ARID1B: variants seen among roughly 807,000 people sequenced by gnomAD.
ARID1B encodes AT-rich interactive domain-containing protein 1B.
In ARID1B, 30 loss-of-function variants were observed where a neutral mutation model predicts 212.3. That is an observed-to-expected ratio of 0.14 (90% CI 0.11 to 0.19). The LOEUF is 0.19. ARID1B is among the 10% of genes least tolerant of loss of function. ARID1B has a pLI of 1.00. For synonymous variants in ARID1B, 1,402 were observed against 1,301.7 expected (o/e 1.08, Z -1.66); for missense variants, 2,891 against 3,204.0 (o/e 0.90, Z 2.36).
Position 157,190,235 on chromosome 6 carries a change from G to C in ARID1B, c.4231+25G>C. 6.3e-7 allele frequency: 1 copy of C among 1,590,466 alleles called. No individual in the cohort carries two copies. Among genetic ancestry groups the C allele is most frequent in the Non-Finnish European group, 8.5e-7 (1 of 1,172,050 alleles). ...GGTACGTGTAGAGGGGCCTCCACCCGGCCATGGACCAGTGGGCATTCTACT... is the reference window on the plus strand; with the variant it reads ...GGTACGTGTAGAGGGGCCTCCACCCCGCCATGGACCAGTGGGCATTCTACT... On this transcript the variant is annotated intron_variant, in intron 15 of 19. Transcript: ENST00000636930. This position sits in a 1 kb window ranked among gnomAD's most constrained non-coding sequence, Gnocchi z 4.6.
intron 4 of ARID1B, among the ~76,000 whole-genome samples, chr6:156,986,447 G>A (rs752666682): frequency 1.4e-4 from 22 of 152,106 alleles, no homozygotes; most frequent in Non-Finnish European, 1.8e-4. Flanking sequence ...CCCCCTGCAC[G>A]GTAAAATCAT....
rs114608027 is a variant in ARID1B, at chr6:156,830,094, G to A, written c.1986+673G>A. Among the ~76,000 whole-genome samples, 735 of 152,210 alleles carry A rather than the reference G, an allele frequency of 4.8e-3. 7 individuals are homozygous for A. The highest frequency in any genetic ancestry group is 0.015 in the African/African-American group (611 of 41,518). Reference sequence around the variant, plus strand: ...ACCTTAGATGACCATTTACCCTCTAGCAGTGGTAAACCTAGTCTTTTGGAT... The same window carrying A: ...ACCTTAGATGACCATTTACCCTCTAACAGTGGTAAACCTAGTCTTTTGGAT... On this transcript the variant is annotated intron_variant, in intron 2 of 19. Coordinates refer to ENST00000636930, the MANE Select transcript of ARID1B (RefSeq NM_001374828.1).
At chr6:156,791,741 C>G (rs1322990549) in intron 1 of ARID1B, among the ~76,000 whole-genome samples, 1 of 152,088 alleles carries the variant, frequency 6.6e-6, no homozygotes, top group Non-Finnish European at 1.5e-5. Context: ...GGTGAAAATA[C>G]CCACCGTCTG....
intron 4 of ARID1B, among the ~76,000 whole-genome samples, chr6:156,972,745 A>G (rs1777011270): frequency 6.6e-6 from 1 of 152,224 alleles, no homozygotes; most frequent in African/African-American, 2.4e-5. Flanking sequence ...GGACTTAGAA[A>G]TCAGACTGAT....
intron 4 of ARID1B, among the ~76,000 whole-genome samples, chr6:157,012,058 G>A (rs968742960): frequency 1.3e-5 from 2 of 152,226 alleles, no homozygotes; most frequent in African/African-American, 4.8e-5. Flanking sequence ...TAGCAAGACT[G>A]TTTCAAGTAC....
intron 2 of ARID1B, among the ~76,000 whole-genome samples, chr6:156,856,892 C>T (rs1002564585): frequency 6.6e-6 from 1 of 151,860 alleles, no homozygotes; most frequent in African/African-American, 2.4e-5. Context: ...TAAACTGGAC[C>T]GTTGGGAGCT....
rs532857305 is a variant in ARID1B, at chr6:156,827,754, CTTTTTTTTTTTTTTT to C, written c.1792-1458_1792-1444del. Among the ~76,000 whole-genome samples, 5 of 68,450 alleles carry C rather than the reference CTTTTTTTTTTTTTTT, an allele frequency of 7.3e-5. No homozygotes were observed. In the East Asian group the frequency reaches 1.8e-3, roughly 24 times the overall value. 44.9% of individuals were successfully genotyped at this position (68,450 alleles called of 152,430 possible). A position where few individuals can be genotyped will look rare whatever the true frequency, so the allele number is the denominator to read the frequency against. ...GTTATTCCCCTTTATCCTGGTAATT[CTTTTTTTTTTTTTTT>C]TTTTTTTTTTTTTTGAGATGGAGTC... On this transcript the variant is annotated intron_variant, in intron 1 of 19. Transcript: ENST00000636930.
intron 2 of ARID1B, among the ~76,000 whole-genome samples, chr6:156,835,199 C>T (rs1010193027): frequency 2.7e-5 from 4 of 146,264 alleles, no homozygotes; most frequent in Non-Finnish European, 5.9e-5. Flanking sequence ...GAGATCTTGC[C>T]ACTGCACTCC....
At chr6:157,080,999 T>C (rs532386996) in intron 4 of ARID1B, among the ~76,000 whole-genome samples, 1 of 152,318 alleles carries the variant, frequency 6.6e-6, no homozygotes, top group East Asian at 1.9e-4. Context: ...TTTCACCAAA[T>C]CACATGATGA....
intron 9 of ARID1B, among the ~76,000 whole-genome samples, chr6:157,171,194 T>C (rs1435928573): frequency 6.6e-6 from 1 of 152,250 alleles, no homozygotes; most frequent in Admixed American, 6.5e-5. Flanking sequence ...GACCCACACT[T>C]ACTTTAAGAA....
intron 2 of ARID1B, among the ~76,000 whole-genome samples, chr6:156,879,746 C>CT (rs1322766580): frequency 6.6e-6 from 1 of 152,134 alleles, no homozygotes; most frequent in Non-Finnish European, 1.5e-5. Flanking sequence ...TCAACTCTTG[C>CT]TGGGAGTTAA....
chr6:156,891,225 TC>T (rs1417651976), intron 2 of ARID1B, among the ~76,000 whole-genome samples: 10 of 152,342 alleles, frequency 6.6e-5, no homozygotes, highest in African/African-American at 2.4e-4. Flanking sequence ...TGTTTGATCT[TC>T]CTGTGAAATC....
chr6:156,791,311 A>T (rs1307459260), intron 1 of ARID1B, among the ~76,000 whole-genome samples: 2 of 152,240 alleles, frequency 1.3e-5, no homozygotes, highest in Non-Finnish European at 2.9e-5. Flanking sequence ...GGTATTTTTC[A>T]GGGACTCTCA....
chr6:156,951,378 A>G (rs1486524377), intron 4 of ARID1B, among the ~76,000 whole-genome samples: 1 of 152,234 alleles, frequency 6.6e-6, no homozygotes, highest in Non-Finnish European at 1.5e-5. Context: ...ATTCCTGACT[A>G]GCAAAGTAAA....
At chr6:156,785,724 TA>T (rs1383086810) in intron 1 of ARID1B, among the ~76,000 whole-genome samples, 37 of 152,354 alleles carry the variant, frequency 2.4e-4, no homozygotes, top group African/African-American at 8.9e-4. Flanking sequence ...TGTTAGCTGC[TA>T]ATGTGTATTG....
intron 2 of ARID1B, among the ~76,000 whole-genome samples, chr6:156,896,813 A>G (rs1196791254): frequency 6.6e-6 from 1 of 152,128 alleles, no homozygotes; most frequent in Non-Finnish European, 1.5e-5. Flanking sequence ...TGGGAGGCGG[A>G]GGTTGCAGTG....
intron 2 of ARID1B, among the ~76,000 whole-genome samples, chr6:156,865,779 C>CT (rs1044229893): frequency 6.6e-6 from 1 of 152,042 alleles, no homozygotes; most frequent in Non-Finnish European, 1.5e-5. Flanking sequence ...TTCTGTTCCT[C>CT]TAAGACTGCT....
chr6:156,924,646 C>G (rs1791080567), intron 3 of ARID1B, among the ~76,000 whole-genome samples: 1 of 152,028 alleles, frequency 6.6e-6, no homozygotes, highest in African/African-American at 2.4e-5. Flanking sequence ...CCACAGTTGA[C>G]CATGGGTAAC....
chr6:157,039,213 A>T (rs1333842053), intron 4 of ARID1B, among the ~76,000 whole-genome samples: 1 of 151,952 alleles, frequency 6.6e-6, no homozygotes, highest in Non-Finnish European at 1.5e-5. Context: ...CAACAGTGAA[A>T]ATTTTTTTCA....
Sources: allele counts gnomAD v4.1 joint callset (sites outside exome capture counted in the v4.1 genomes callset), GRCh38; gene constraint gnomAD v4.1.1; non-coding constraint Gnocchi (gnomAD v3.1); transcripts MANE v1.5; gene names NCBI Gene and HGNC (gene_info 2026-07-23, HGNC 2026-07-21).